Variants in CYFIP1 observed in about 807,000 individuals in gnomAD.
CYFIP1 encodes the protein cytoplasmic FMR1 interacting protein 1, also known as cytoplasmic FMR1-interacting protein 1.
Under a neutral mutation model 163.5 loss-of-function variants are expected in CYFIP1, and 58 were observed. The ratio of observed to expected loss-of-function variants is 0.35; its 90% CI spans 0.29 to 0.44. CYFIP1 has a LOEUF of 0.44. Among genes scored for constraint, CYFIP1 ranks in the 20% least tolerant of loss-of-function variants. The pLI, the probability that CYFIP1 is intolerant of heterozygous loss-of-function variation, is 1.00. For missense variants in CYFIP1, 1,338 were observed against 1,653.8 expected, an observed-to-expected ratio of 0.81 and a Z score of 3.31; for synonymous variants, 663 against 660.7, an observed-to-expected ratio of 1.00 and a Z score of -0.05.
chr15:22,943,079 T>A (rs2061943118), intron 6 of CYFIP1, 94 bp downstream of exon 6: 6 of 1,255,048 alleles, frequency 4.8e-6, no homozygotes, highest in Non-Finnish European at 6.7e-6. Flanking sequence ...AGTGACGACT[T>A]CAGCAAACAA....
At chr15:22,893,240 A>ACGC in intron 22 of CYFIP1, among the ~76,000 whole-genome samples, 1 of 152,318 alleles carries the variant, frequency 6.6e-6, no homozygotes, top group Admixed American at 6.5e-5. Flanking sequence ...CTCGAGCCCA[A>ACGC]CGCAATCCTC....
chr15:22,939,121 A>C, intron 8 of CYFIP1, 71 bp downstream of exon 8: 9 of 1,583,712 alleles, frequency 5.7e-6, no homozygotes, highest in Non-Finnish European at 7.8e-6. Context: ...ATTCTAGATA[A>C]AGCACAGCCT....
chr15:22,882,178 G>A (rs1005326607), intron 24 of CYFIP1, among the ~76,000 whole-genome samples: 1 of 152,284 alleles, frequency 6.6e-6, no homozygotes, highest in Admixed American at 6.5e-5. Flanking sequence ...AAGTGGTCCC[G>A]GGGTGCCACA....
rs555904562 is a variant in CYFIP1, at chr15:22,978,073, C to T, written c.-7+2214G>A. ...CTACAGAATACTATAGTGATTTGGC[C>T]GGGCACAGTGGCTCATGCCTGTAAT... On this transcript the variant is annotated intron_variant, in intron 1 of 30. Transcript: ENST00000617928. 3.3e-4 allele frequency among the ~76,000 whole-genome samples: 50 copies of T among 151,668 alleles called. 2 individuals are homozygous for T. In the South Asian group the frequency reaches 9.4e-3, roughly 28 times the overall value.
At chr15:22,932,839 T>G (rs2061582161) in intron 10 of CYFIP1, among the ~76,000 whole-genome samples, 2 of 152,154 alleles carry the variant, frequency 1.3e-5, no homozygotes, top group South Asian at 2.1e-4. Context: ...GTCTCTTCTT[T>G]TTTTCTTTGA....
At chr15:22,904,257 G>C (rs555682963) in intron 21 of CYFIP1, 6 of 332,368 alleles carry the variant, frequency 1.8e-5, no homozygotes, top group African/African-American at 1.1e-4. Context: ...GCCGGCGGCT[G>C]CATCTCCCTG....
chr15:22,927,521 G>A (rs1267586107), intron 12 of CYFIP1, among the ~76,000 whole-genome samples: 1 of 150,250 alleles, frequency 6.7e-6, no homozygotes, highest in Non-Finnish European at 1.5e-5. Flanking sequence ...GCCGGGAGCC[G>A]TGGTGCACAC....
At chr15:22,911,598 T>A (rs762870255) in intron 18 of CYFIP1, among the ~76,000 whole-genome samples, 33 of 152,180 alleles carry the variant, frequency 2.2e-4, no homozygotes, top group Non-Finnish European at 3.8e-4. Flanking sequence ...TCGTGGCAAG[T>A]GGGACCCAGG....
At chr15:22,888,165 A>G (rs753113262) in intron 23 of CYFIP1, among the ~76,000 whole-genome samples, 1 of 152,216 alleles carries the variant, frequency 6.6e-6, no homozygotes, top group African/African-American at 2.4e-5. Flanking sequence ...CCTGCAAGAT[A>G]CCAGCCCTAG....
Position 22,868,792 on chromosome 15 carries a change from A to AAAT in CYFIP1, c.*1233_*1235dup, listed in dbSNP as rs1379752651. On this transcript the variant is annotated 3_prime_UTR_variant, in exon 31 of 31. Coordinates refer to ENST00000617928, the MANE Select transcript of CYFIP1 (RefSeq NM_014608.6). ...AACTTGGCATCCATAGAAAATTTTA[A>AAAT]AATTGGTGAAGGTTGCAATACTCCA... 1 of 152,146 alleles carries AAAT rather than the reference A, an allele frequency of 6.6e-6. No homozygotes were observed. The highest frequency in any genetic ancestry group is 2.4e-5 in the African/African-American group (1 of 41,432). The allele number at this position is 152,146 out of a possible 1,614,324, so 9.4% of individuals were successfully genotyped here. A position where few individuals can be genotyped will look rare whatever the true frequency, so the allele number is the denominator to read the frequency against.
At chr15:22,941,059 C>CT (rs981455062) in intron 6 of CYFIP1, among the ~76,000 whole-genome samples, 21 of 151,380 alleles carry the variant, frequency 1.4e-4, no homozygotes, top group East Asian at 1.4e-3. Context: ...ACCATGTTTC[C>CT]TTTTTTTTTA....
chr15:22,917,608 A>T lies in CYFIP1; in HGVS notation c.1674+180T>A. Reference sequence around the variant, plus strand: ...TCTGACAATCAAGGCACGTCTCCTCACGCTCCCAACTCACTTGGGTGGGAA... The same window carrying T: ...TCTGACAATCAAGGCACGTCTCCTCTCGCTCCCAACTCACTTGGGTGGGAA... On this transcript the variant is annotated intron_variant, in intron 15 of 30. Transcript: ENST00000617928. This position sits in a 1 kb window ranked among gnomAD's most constrained non-coding sequence, Gnocchi z 4.2. 1 of 742,442 alleles carries T rather than the reference A, an allele frequency of 1.3e-6. No homozygotes were observed. Among genetic ancestry groups the T allele is most frequent in the Non-Finnish European group, 2.1e-6 (1 of 480,770 alleles). The allele number at this position is 742,442 out of a possible 1,614,324, so 46.0% of individuals were successfully genotyped here. A position where few individuals can be genotyped will look rare whatever the true frequency, so the allele number is the denominator to read the frequency against.
chr15:22,884,951 T>C (rs1419445072), intron 23 of CYFIP1, among the ~76,000 whole-genome samples: 1 of 106,100 alleles, frequency 9.4e-6, no homozygotes, highest in Admixed American at 1.5e-4. Flanking sequence ...GTCCTGAAGC[T>C]GCACGGGGAT....
intron 26 of CYFIP1, among the ~76,000 whole-genome samples, chr15:22,877,271 T>G (rs1377265972): frequency 6.6e-6 from 1 of 152,164 alleles, no homozygotes; most frequent in Non-Finnish European, 1.5e-5. Flanking sequence ...CAACACCCGC[T>G]TCCCCTTCTC....
intron 13 of CYFIP1, among the ~76,000 whole-genome samples, chr15:22,920,131 GTA>G (rs1004905839): frequency 2.1e-5 from 3 of 143,746 alleles, no homozygotes; most frequent in Non-Finnish European, 4.5e-5. Flanking sequence ...TTGAAATTAA[GTA>G]TTTGACAGAT....
chr15:22,892,101 G>A (rs4778466), intron 23 of CYFIP1, among the ~76,000 whole-genome samples: 119,725 of 152,172 alleles, frequency 0.79, 47,304 homozygotes, highest in East Asian at 0.91. Context: ...CAGGCGAGCC[G>A]GATCCTCTGG....
Position 22,944,637 on chromosome 15 carries a change from T to C in CYFIP1, c.308A>G (p.Asn103Ser). The C allele has an allele frequency of 1.9e-6, 3 of 1,613,888 alleles. No individual in the cohort carries two copies. Among genetic ancestry groups the C allele is most frequent in the Non-Finnish European group, 2.5e-6 (3 of 1,179,776 alleles). ...IPQVKCNEQP[N>S]RVEIYEKTVE... Reference sequence around the variant, plus strand: ...GGTTTTCTCGTAGATTTCCACTCTGTTAGGCTGCTCGTTACATTTCACCTG... The same window carrying C: ...GGTTTTCTCGTAGATTTCCACTCTGCTAGGCTGCTCGTTACATTTCACCTG... Residue 103 changes from asparagine (N) to serine (S), a missense_variant, in exon 5 of 31, where the codon AAC becomes AGC. Transcript: ENST00000617928.
At chr15:22,876,303 C>A (rs1272238255) in intron 26 of CYFIP1, among the ~76,000 whole-genome samples, 1 of 152,026 alleles carries the variant, frequency 6.6e-6, no homozygotes, top group Non-Finnish European at 1.5e-5. Context: ...GTGCCAGACG[C>A]CGGCCAGACA....
chr15:22,951,515 C>T (rs560636252), intron 1 of CYFIP1: 151 of 1,288,252 alleles, frequency 1.2e-4, no homozygotes, highest in South Asian at 6.3e-4. Flanking sequence ...GTGCTTCGGC[C>T]CCATAGGGGC....
Sources: gnomAD v4.1 joint callset for allele counts (sites outside exome capture counted in the v4.1 genomes callset) on GRCh38, gnomAD v4.1.1 for gene constraint, Gnocchi (gnomAD v3.1) non-coding constraint, MANE v1.5 for transcripts, NCBI Gene and HGNC (gene_info 2026-07-23, HGNC 2026-07-21) for gene names.